COX11: variants seen among roughly 807,000 people sequenced by gnomAD.
COX11 encodes the protein cytochrome c oxidase copper chaperone COX11.
In COX11, 18 loss-of-function variants were observed where a neutral mutation model predicts 29.4. That is an observed-to-expected ratio of 0.61 (90% CI 0.42 to 0.91). COX11 has a LOEUF of 0.91. COX11 is among the 40% of genes least tolerant of loss of function. COX11 has a pLI of 0.00. For synonymous variants in COX11, 131 were observed against 124.0 expected (o/e 1.06, Z -0.38); for missense variants, 312 against 346.0 (o/e 0.90, Z 0.78).
rs2077113145 is a variant in COX11 at position 54,961,153 on chromosome 17, C to G, written c.*1580G>C. The G allele has an allele frequency of 1.0e-6, 1 of 978,062 alleles. No individual in the cohort carries two copies. The highest frequency in any genetic ancestry group is 1.6e-5 in the African/African-American group (1 of 61,620). 60.6% of individuals were successfully genotyped at this position (978,062 alleles called of 1,614,324 possible). ...ACTAGACTGTGACTCTCCAGCTTCCCAGTAAAGACAAGAGAGTTATCAAGG... is the reference window on the plus strand; with the variant it reads ...ACTAGACTGTGACTCTCCAGCTTCCGAGTAAAGACAAGAGAGTTATCAAGG... On this transcript the variant is annotated 3_prime_UTR_variant, in exon 4 of 4. Coordinates refer to ENST00000299335, the MANE Select transcript of COX11 (RefSeq NM_004375.5).
chr17:54,964,555 G>T, intron 2 of COX11, 142 bp downstream of exon 2: 1 of 810,222 alleles, frequency 1.2e-6, no homozygotes, highest in East Asian at 2.7e-5. Flanking sequence ...TTACATGATA[G>T]TAAAAGTCAA....
chr17:54,962,174 A>C lies in COX11; in HGVS notation c.*559T>G. 1 of 967,048 alleles carries C rather than the reference A, an allele frequency of 1.0e-6. No individual in the cohort carries two copies. Among genetic ancestry groups the C allele is most frequent in the Non-Finnish European group, 1.2e-6 (1 of 812,952 alleles). 59.9% of individuals were successfully genotyped at this position (967,048 alleles called of 1,614,324 possible). A position where few individuals can be genotyped will look rare whatever the true frequency, so the allele number is the denominator to read the frequency against. On this transcript the variant is annotated 3_prime_UTR_variant, in exon 4 of 4. Transcript: ENST00000299335. ...AATATAAAATAGCCCTAAACCTTAA[A>C]GGACAAATCAAATTTGAAATAAGAA...
Position 54,962,956 on chromosome 17 carries a change from G to A in COX11, c.649-41C>T, listed in dbSNP as rs140907287. 688 of 1,527,104 alleles carry A rather than the reference G, an allele frequency of 4.5e-4. 5 individuals are homozygous for A. The East Asian group carries it at 0.012, about 26-fold the overall frequency. 94.6% of individuals were successfully genotyped at this position (1,527,104 alleles called of 1,614,324 possible). A position where few individuals can be genotyped will look rare whatever the true frequency, so the allele number is the denominator to read the frequency against. On this transcript the variant is annotated intron_variant, in intron 3 of 3. Coordinates refer to ENST00000299335, the MANE Select transcript of COX11 (RefSeq NM_004375.5). ...AGATTTTAATAACATTTCTATTCTC[G>A]TATTACATAACAGAAACTATACAGT...
Position 54,968,612 on chromosome 17 carries a change from A to G in COX11, c.35T>C (p.Val12Ala), listed in dbSNP as rs766707180. The part of the protein sequence containing the change: ...GGLWRPGWRC[V>A]PFCGWRWIHP... The stretch of plus-strand genomic sequence containing the variant: ...GATCCAGCGCCAGCCACAGAAAGGA[A>G]CGCACCTCCATCCAGGACGCCAGAG... Residue 12 changes from valine (V) to alanine (A), a missense_variant, in exon 1 of 4, where the codon GTT becomes GCT. Physicochemically the swap from Val to Ala is moderately conservative, Grantham distance 64 (BLOSUM62 0). Coordinates refer to ENST00000299335, the MANE Select transcript of COX11 (RefSeq NM_004375.5). 3.1e-6 allele frequency: 5 copies of G among 1,612,718 alleles called. No individual in the cohort carries two copies. The African/African-American group carries it at 6.7e-5, about 22-fold the overall frequency.
At chr17:54,955,025 A>C (rs1399555356) in exon 1 of COX11, 1 of 152,166 alleles carries the variant, frequency 6.6e-6, no homozygotes, top group Non-Finnish European at 1.5e-5. Flanking sequence ...TTGCCAGAGG[A>C]GGCACCCTAA....
downstream of COX11, among the ~76,000 whole-genome samples, chr17:54,958,814 A>T (rs1349431677): frequency 6.6e-6 from 1 of 151,604 alleles, no homozygotes; most frequent in Non-Finnish European, 1.5e-5. Flanking sequence ...TAAAGGCTGT[A>T]CTTTGTATAA....
At position 54,964,745 on chromosome 17, in the gene COX11, C is replaced by T. The variant is rs1279068424; in HGVS notation, c.474G>A (p.Val158=). ...TAAAGTTCCACTGGAGACTTGCATG[C>T]ACATCTGCATTAAAGCTAATTTTAA... ...RIIKISFNAD[V]HASLQWNFRP... is the part of the protein sequence containing the mutation. The change falls in exon 2 of 4, where the codon GTG becomes GTA. Residue 158 remains valine (V), a synonymous_variant. Transcript: ENST00000299335. 1 of 1,613,964 alleles carries T rather than the reference C, an allele frequency of 6.2e-7. No individual in the cohort carries two copies. Among genetic ancestry groups the T allele is most frequent in the Non-Finnish European group, 8.5e-7 (1 of 1,179,928 alleles).
chr17:54,959,855 G>T (rs1441251847), downstream of COX11, among the ~76,000 whole-genome samples: 1 of 152,006 alleles, frequency 6.6e-6, no homozygotes, highest in East Asian at 1.9e-4. Flanking sequence ...GGACTCAAGC[G>T]ATCCACCCAC....
intron 1 of COX11, among the ~76,000 whole-genome samples, chr17:54,967,689 C>A (rs1302260533): frequency 2.1e-5 from 3 of 146,274 alleles, no homozygotes; most frequent in Non-Finnish European, 4.5e-5. Flanking sequence ...TGCTGCCGGT[C>A]CTGGGCGCCA....
rs1449289555 is a variant in COX11, at chr17:54,962,090, G to C, written c.*643C>G. The stretch of plus-strand genomic sequence containing the variant: ...TGATGCTTTGGCTAACAGCCTAGTA[G>C]ATGTATTTTATTTCAATTTTATGAT... On this transcript the variant is annotated 3_prime_UTR_variant, in exon 4 of 4. Coordinates refer to ENST00000299335, the MANE Select transcript of COX11 (RefSeq NM_004375.5). 1.0e-6 allele frequency: 1 copy of C among 969,164 alleles called. No individual in the cohort carries two copies. The highest frequency in any genetic ancestry group is 1.8e-5 in the African/African-American group (1 of 56,906). 60.0% of individuals were successfully genotyped at this position (969,164 alleles called of 1,614,324 possible). A position where few individuals can be genotyped will look rare whatever the true frequency, so the allele number is the denominator to read the frequency against.
downstream of COX11, among the ~76,000 whole-genome samples, chr17:54,958,702 C>T (rs1051117874): frequency 1.7e-5 from 2 of 116,946 alleles, no homozygotes; most frequent in Non-Finnish European, 3.3e-5. Flanking sequence ...TGCACTCTAG[C>T]GTGGGCAACA....
downstream of COX11, among the ~76,000 whole-genome samples, chr17:54,959,674 G>A (rs149654036): frequency 4.0e-3 from 604 of 149,574 alleles, 1 homozygote; most frequent in Non-Finnish European, 5.9e-3. Context: ...CTGGAGTGCA[G>A]TGGCACGATC....
At position 54,964,239 on chromosome 17, in the gene COX11, A is replaced by G. The variant is rs75678146; in HGVS notation, c.522+458T>C. On this transcript the variant is annotated intron_variant, in intron 2 of 3. Coordinates refer to ENST00000299335, the MANE Select transcript of COX11 (RefSeq NM_004375.5). ...AGTATAACATAACTATTTACTACTTATTGATTATTTCAAAGGCCCTCAATT... is the reference window on the plus strand; with the variant it reads ...AGTATAACATAACTATTTACTACTTGTTGATTATTTCAAAGGCCCTCAATT... Among the ~76,000 whole-genome samples, 97 of 152,236 alleles carry G rather than the reference A, an allele frequency of 6.4e-4. No homozygotes were observed. The East Asian group carries it at 0.017, about 26-fold the overall frequency.
downstream of COX11, chr17:54,958,179 C>T (rs777508348): frequency 3.3e-5 from 5 of 152,202 alleles, no homozygotes; most frequent in East Asian, 5.8e-4. Flanking sequence ...GAGCTCAGTA[C>T]CAGATGAGGA....
chr17:54,962,608 T>G lies in COX11; in HGVS notation c.*125A>C. ...CTCAAGTTTAAGTGAAAAAAATTAG[T>G]TGAGAAAAAATAATTATTTAAAATA... On this transcript the variant is annotated 3_prime_UTR_variant, in exon 4 of 4. Coordinates refer to ENST00000299335, the MANE Select transcript of COX11 (RefSeq NM_004375.5). The G allele has an allele frequency of 1.5e-6, 2 of 1,365,354 alleles. No individual in the cohort carries two copies. Among genetic ancestry groups the G allele is most frequent in the Non-Finnish European group, 1.9e-6 (2 of 1,050,814 alleles). 84.6% of individuals were successfully genotyped at this position (1,365,354 alleles called of 1,614,324 possible). A position where few individuals can be genotyped will look rare whatever the true frequency, so the allele number is the denominator to read the frequency against.
Position 54,968,275 on chromosome 17 carries a change from C to T in COX11, c.366+6G>A, listed in dbSNP as rs571233696. 6.2e-7 allele frequency: 1 copy of T among 1,609,044 alleles called. No individual in the cohort carries two copies. The highest frequency in any genetic ancestry group is 1.7e-5 in the Admixed American group (1 of 59,600). The stretch of plus-strand genomic sequence containing the variant: ...GCGCCACCCTGCGGGCGGCGCCGGC[C>T]CCTACCTGGCAATAGAGCCGATAAA... On this transcript the variant is annotated splice_donor_region_variant and intron_variant, in intron 1 of 3. Coordinates refer to ENST00000299335, the MANE Select transcript of COX11 (RefSeq NM_004375.5).
At chr17:54,958,587 C>T (rs2077015126), downstream of COX11, among the ~76,000 whole-genome samples, 1 of 152,022 alleles carries the variant, frequency 6.6e-6, no homozygotes, top group African/African-American at 2.4e-5. Context: ...AAAAATTAGC[C>T]AGGCGTGGTA....
At chr17:54,960,225 C>T (rs1395660862), downstream of COX11, among the ~76,000 whole-genome samples, 4 of 151,890 alleles carry the variant, frequency 2.6e-5, no homozygotes, top group Non-Finnish European at 5.9e-5. Context: ...ATTAGCTGGG[C>T]ATGGTTGTGT....
chr17:54,954,146 C>A (rs1418357738), exon 1 of COX11: 1 of 152,178 alleles, frequency 6.6e-6, no homozygotes, highest in Non-Finnish European at 1.5e-5. Flanking sequence ...GTTATCAGCA[C>A]ACATATTGTC....
Sources: gnomAD v4.1 joint callset for allele counts (sites outside exome capture counted in the v4.1 genomes callset) on GRCh38, gnomAD v4.1.1 for gene constraint, MANE v1.5 for transcripts, NCBI Gene and HGNC (gene_info 2026-07-23, HGNC 2026-07-21) for gene names.